NCKAP5: variants seen among roughly 807,000 people sequenced by gnomAD.
The protein encoded by NCKAP5 is nck-associated protein 5.
NCKAP5 carries 92 observed loss-of-function variants against 167.0 expected under a neutral mutation model. That is an observed-to-expected ratio of 0.55 (90% CI 0.47 to 0.66). The LOEUF is 0.66. NCKAP5 is among the 30% of genes least tolerant of loss of function. The probability of loss-of-function intolerance (pLI) is 0.00; values close to 1 mark genes in which losing one functional copy is unlikely to be tolerated. For missense variants in NCKAP5, 2,378 were observed against 2,315.0 expected (o/e 1.03, Z -0.56); for synonymous variants, 891 against 877.4 (o/e 1.02, Z -0.27).
At chr2:132,679,335 CTAGG>C (rs1684901014) in intron 19 of NCKAP5, among the ~76,000 whole-genome samples, 1 of 152,028 alleles carries the variant, frequency 6.6e-6, no homozygotes, top group Non-Finnish European at 1.5e-5. Flanking sequence ...CCTGAACTTG[CTAGG>C]CAAGTCAGTC....
At chr2:133,063,169 A>G (rs1327069412) in intron 6 of NCKAP5, among the ~76,000 whole-genome samples, 1 of 152,226 alleles carries the variant, frequency 6.6e-6, no homozygotes, top group East Asian at 1.9e-4. Context: ...AGCAGGAGGA[A>G]GCTGAGTTGC....
rs1690727855 is a variant in NCKAP5, at chr2:132,728,940, G to A, written c.5456C>T (p.Ser1819Phe). The A allele has an allele frequency of 6.2e-7, 1 of 1,613,688 alleles. No individual in the cohort carries two copies. Among genetic ancestry groups the A allele is most frequent in the Admixed American group, 1.7e-5 (1 of 60,000 alleles). Residue 1819 changes from serine (S) to phenylalanine (F), a missense_variant, in exon 18 of 20, where the codon TCC becomes TTC. Coordinates refer to ENST00000409261, the MANE Select transcript of NCKAP5 (RefSeq NM_207363.3). ...PKPASSGKVS[S>F]QKQNEAEPRP... is the part of the protein sequence containing the mutation. Reference sequence around the variant, plus strand: ...TGGCTCTGCTTCATTCTGCTTTTGGGAACTGACTTTTCCTAAATGAGGACA... The same window carrying A: ...TGGCTCTGCTTCATTCTGCTTTTGGAAACTGACTTTTCCTAAATGAGGACA...
chr2:133,166,184 GGAGA>G (rs1409621631), intron 5 of NCKAP5, among the ~76,000 whole-genome samples: 1 of 152,002 alleles, frequency 6.6e-6, no homozygotes, highest in Admixed American at 6.6e-5. Flanking sequence ...CAAAGAACTG[GGAGA>G]GAAACATTCC....
rs767139371 is a variant in NCKAP5, at chr2:132,728,794, T to C, written c.5580+22A>G. 8.7e-6 allele frequency: 14 copies of C among 1,612,622 alleles called. No individual in the cohort carries two copies. Among genetic ancestry groups the C allele is most frequent in the Middle Eastern group, 1.8e-4 (1 of 5,708 alleles). Reference sequence around the variant, plus strand: ...CAGGACCAACAGGTGGATTGCACCCTTCACCTCCCCCGACCCCTCACCTGG... The same window carrying C: ...CAGGACCAACAGGTGGATTGCACCCCTCACCTCCCCCGACCCCTCACCTGG... On this transcript the variant is annotated intron_variant, in intron 18 of 19. Transcript: ENST00000409261.
the NCKAP5 span, among the ~76,000 whole-genome samples, chr2:133,652,125 C>T: frequency 5.3e-5 from 8 of 152,132 alleles, no homozygotes; most frequent in Admixed American, 1.3e-4. Context: ...TTGTGGAAGG[C>T]ACCTGATAAG....
At chr2:133,381,834 T>C (rs1686545385) in intron 3 of NCKAP5, among the ~76,000 whole-genome samples, 1 of 152,166 alleles carries the variant, frequency 6.6e-6, no homozygotes. Flanking sequence ...GCTCTGGGGA[T>C]AAACCAAACT....
chr2:133,334,480 G>C (rs368976597), intron 3 of NCKAP5, among the ~76,000 whole-genome samples: 3 of 152,068 alleles, frequency 2.0e-5, no homozygotes, highest in African/African-American at 7.2e-5. Context: ...AAAAGCTATT[G>C]ATCACGAGAG....
In NCKAP5 at chr2:133,474,944, G is replaced by T. The variant is rs74949925; in HGVS notation, c.69+42514C>A. ...TCCTACTTCAGCCTCCTGAGTAGCT[G>T]GAATTACAGGTGCGTGCCACCAAGC... On this transcript the variant is annotated intron_variant, in intron 3 of 19. Transcript: ENST00000409261. Among the ~76,000 whole-genome samples, 300 of 152,200 alleles carry T rather than the reference G, an allele frequency of 2.0e-3. 13 individuals are homozygous for T. The East Asian group carries it at 0.049, about 25-fold the overall frequency.
At chr2:133,538,948 T>A (rs1685990546) in intron 2 of NCKAP5, among the ~76,000 whole-genome samples, 1 of 139,556 alleles carries the variant, frequency 7.2e-6, no homozygotes, top group South Asian at 2.4e-4. Context: ...TTTTTTTTTT[T>A]TTTTTTTTTT....
rs146337088 is a variant in NCKAP5 at position 133,542,947 on chromosome 2, A to C, written c.-62+16103T>G. Among the ~76,000 whole-genome samples, 633 of 152,330 alleles carry C rather than the reference A, an allele frequency of 4.2e-3. 4 individuals are homozygous for C. Among genetic ancestry groups the C allele is most frequent in the Middle Eastern group, 0.02 (6 of 294 alleles). ...TATGTATACCATAGGTAGGATCATA[A>C]TACTATTTACCTTGTAGATTGTTAT... On this transcript the variant is annotated intron_variant, in intron 2 of 19. Transcript: ENST00000409261.
the NCKAP5 span, among the ~76,000 whole-genome samples, chr2:133,601,745 T>C: frequency 6.6e-6 from 1 of 151,854 alleles, no homozygotes; most frequent in Admixed American, 6.6e-5. Context: ...AATAAATAAA[T>C]AATAAATAAA....
chr2:133,128,928 A>T (rs775330077), intron 6 of NCKAP5, among the ~76,000 whole-genome samples: 75 of 147,946 alleles, frequency 5.1e-4, no homozygotes, highest in Middle Eastern at 3.5e-3. Context: ...TATCTTTTTA[A>T]GGACAGAAAC....
chr2:132,956,744 G>C (rs1161531897), intron 8 of NCKAP5, among the ~76,000 whole-genome samples: 1 of 152,140 alleles, frequency 6.6e-6, no homozygotes, highest in African/African-American at 2.4e-5. Context: ...TGTTACCGAG[G>C]TCATAGCTGA....
intron 5 of NCKAP5, among the ~76,000 whole-genome samples, chr2:133,133,776 C>T (rs980608928): frequency 6.6e-6 from 1 of 152,178 alleles, no homozygotes; most frequent in East Asian, 1.9e-4. Context: ...GTCTTCAGAA[C>T]AATTCAGCAA....
chr2:132,869,815 A>C (rs1287940220), intron 9 of NCKAP5, among the ~76,000 whole-genome samples: 2 of 152,170 alleles, frequency 1.3e-5, no homozygotes, highest in Non-Finnish European at 1.5e-5. Context: ...CATATTAAGG[A>C]TATTTGGACA....
intron 6 of NCKAP5, among the ~76,000 whole-genome samples, chr2:133,050,260 A>G (rs2079555634): frequency 6.6e-6 from 1 of 152,160 alleles, no homozygotes. Flanking sequence ...CCATAGAGAC[A>G]TATTAACTGA....
At chr2:132,727,778 A>G (rs1690604496) in intron 18 of NCKAP5, among the ~76,000 whole-genome samples, 1 of 152,202 alleles carries the variant, frequency 6.6e-6, no homozygotes. Context: ...ATGGTCCAGC[A>G]GGACTCTAGT....
At chr2:133,654,410 A>C in the NCKAP5 span, among the ~76,000 whole-genome samples, 5 of 150,240 alleles carry the variant, frequency 3.3e-5, no homozygotes, top group East Asian at 1.9e-4. Flanking sequence ...ATAAATAAAT[A>C]AATCCCTCAA....
Position 132,736,194 on chromosome 2 carries a change from C to T in NCKAP5, c.5129-4143G>A, listed in dbSNP as rs561292729. ...AGGGGCTCAGACACATGCCAAGTTT[C>T]CCTGCAAGAAAATGTCTTCAGAATA... On this transcript the variant is annotated intron_variant, in intron 16 of 19. Coordinates refer to ENST00000409261, the MANE Select transcript of NCKAP5 (RefSeq NM_207363.3). Among the ~76,000 whole-genome samples, 92 of 152,248 alleles carry T rather than the reference C, an allele frequency of 6.0e-4. No individual in the cohort carries two copies. In the South Asian group the frequency reaches 6.4e-3, roughly 11 times the overall value.
Sources: gnomAD v4.1 joint callset for allele counts (sites outside exome capture counted in the v4.1 genomes callset) on GRCh38, gnomAD v4.1.1 for gene constraint, MANE v1.5 for transcripts, NCBI Gene and HGNC (gene_info 2026-07-23, HGNC 2026-07-21) for gene names.